Variants in KCNH7 observed in about 807,000 individuals in gnomAD.
KCNH7 encodes the protein potassium voltage-gated channel subfamily H member 7, also known as voltage-gated inwardly rectifying potassium channel KCNH7.
Under a neutral mutation model 120.8 loss-of-function variants are expected in KCNH7, and 49 were observed. The ratio of observed to expected loss-of-function variants is 0.41; its 90% CI spans 0.32 to 0.51. The LOEUF is 0.51. Among genes scored for constraint, KCNH7 ranks in the 20% least tolerant of loss-of-function variants. The probability of loss-of-function intolerance (pLI) is 0.38; values close to 1 mark genes in which losing one functional copy is unlikely to be tolerated. For missense variants in KCNH7, 1,097 were observed against 1,446.6 expected (o/e 0.76, Z 3.92); for synonymous variants, 547 against 516.1 (o/e 1.06, Z -0.81).
chr2:162,723,289 A>C lies in KCNH7; in HGVS notation c.307+113248T>G, dbSNP rs2105377318. Among the ~76,000 whole-genome samples the C allele has an allele frequency of 3.3e-5, 5 of 152,200 alleles. No individual in the cohort carries two copies. In the Middle Eastern group the frequency reaches 0.017, roughly 518 times the overall value. On this transcript the variant is annotated intron_variant, in intron 2 of 15. Transcript: ENST00000332142. ...TCTTTTACAGGAGAAAACCCCCACC[A>C]ATCAGCCCAGACAGAAACTCCACAG...
intron 2 of KCNH7, among the ~76,000 whole-genome samples, chr2:162,630,807 C>A (rs780377540): frequency 1.1e-4 from 17 of 152,026 alleles, no homozygotes; most frequent in Non-Finnish European, 2.4e-4. Flanking sequence ...TAAGGTCTCC[C>A]ATTAAGGATG....
chr2:162,821,094 G>A lies in KCNH7; in HGVS notation c.307+15443C>T, dbSNP rs189520906. On this transcript the variant is annotated intron_variant, in intron 2 of 15. Coordinates refer to ENST00000332142, the MANE Select transcript of KCNH7 (RefSeq NM_033272.4). ...AAATAGACTAACACATATAACTAAGGCCTAATGGAGAGTCCAGAAAGAAAA... is the reference window on the plus strand; with the variant it reads ...AAATAGACTAACACATATAACTAAGACCTAATGGAGAGTCCAGAAAGAAAA... Among the ~76,000 whole-genome samples, 780 of 152,078 alleles carry A rather than the reference G, an allele frequency of 5.1e-3. 4 individuals carry two copies. The highest frequency in any genetic ancestry group is 0.037 in the Middle Eastern group (11 of 294).
chr2:162,709,976 T>C (rs1334518137), intron 2 of KCNH7, among the ~76,000 whole-genome samples: 1 of 152,128 alleles, frequency 6.6e-6, no homozygotes, highest in African/African-American at 2.4e-5. Context: ...GAGTAGATAT[T>C]GAAGGGAACC....
chr2:162,761,152 T>G (rs1688954229), intron 2 of KCNH7, among the ~76,000 whole-genome samples: 1 of 152,112 alleles, frequency 6.6e-6, no homozygotes, highest in African/African-American at 2.4e-5. Flanking sequence ...TCATCTACAT[T>G]TCCCCCTACA....
intron 2 of KCNH7, among the ~76,000 whole-genome samples, chr2:162,741,134 T>G (rs1378830399): frequency 6.6e-6 from 1 of 151,900 alleles, no homozygotes; most frequent in Non-Finnish European, 1.5e-5. Context: ...AGAGGGGTAT[T>G]TAGTTTCATG....
At chr2:162,500,112 T>G (rs933877568) in intron 6 of KCNH7, among the ~76,000 whole-genome samples, 6 of 148,908 alleles carry the variant, frequency 4.0e-5, no homozygotes, top group Non-Finnish European at 8.9e-5. Context: ...GTTTATACAT[T>G]ATATATGGAT....
At chr2:162,631,416 A>C (rs560602454) in intron 2 of KCNH7, among the ~76,000 whole-genome samples, 5 of 152,074 alleles carry the variant, frequency 3.3e-5, no homozygotes, top group Non-Finnish European at 7.4e-5. Context: ...GACATGGTAA[A>C]AATTTGGAGG....
At chr2:162,744,599 G>T (rs1688249109) in intron 2 of KCNH7, among the ~76,000 whole-genome samples, 1 of 136,498 alleles carries the variant, frequency 7.3e-6, no homozygotes, top group Admixed American at 7.9e-5. Flanking sequence ...TTGATACGGA[G>T]TCTCGCTCTG....
intron 2 of KCNH7, among the ~76,000 whole-genome samples, chr2:162,635,718 A>G (rs1683930954): frequency 6.6e-6 from 1 of 152,196 alleles, no homozygotes; most frequent in Non-Finnish European, 1.5e-5. Flanking sequence ...TCTCCATTTT[A>G]TCTTGTGCAA....
At chr2:162,650,173 T>A (rs1406846603) in intron 2 of KCNH7, among the ~76,000 whole-genome samples, 1 of 152,174 alleles carries the variant, frequency 6.6e-6, no homozygotes, top group African/African-American at 2.4e-5. Context: ...TTCTGGCACA[T>A]GGTAGTAATT....
chr2:162,785,407 T>C (rs1003754594), intron 2 of KCNH7, among the ~76,000 whole-genome samples: 2 of 152,214 alleles, frequency 1.3e-5, no homozygotes. Flanking sequence ...TTTCTTTCTA[T>C]TCTATCATTA....
chr2:162,491,853 C>T (rs1472255470), intron 6 of KCNH7, among the ~76,000 whole-genome samples: 3 of 152,136 alleles, frequency 2.0e-5, no homozygotes, highest in African/African-American at 4.8e-5. Flanking sequence ...TCTCAAATGC[C>T]TCCTGAATCA....
chr2:162,653,766 G>A (rs930171866), intron 2 of KCNH7, among the ~76,000 whole-genome samples: 8 of 152,106 alleles, frequency 5.3e-5, no homozygotes, highest in Non-Finnish European at 1.0e-4. Context: ...AAGCTATAGT[G>A]ACAGAAATAG....
intron 5 of KCNH7, among the ~76,000 whole-genome samples, chr2:162,509,513 A>C (rs1363094107): frequency 6.6e-6 from 1 of 151,708 alleles, no homozygotes; most frequent in African/African-American, 2.4e-5. Context: ...GCAGTGTTTA[A>C]TAATTAAACT....
Position 162,753,416 on chromosome 2 carries a change from C to T in KCNH7, c.307+83121G>A, listed in dbSNP as rs72873597. On this transcript the variant is annotated intron_variant, in intron 2 of 15. Coordinates refer to ENST00000332142, the MANE Select transcript of KCNH7 (RefSeq NM_033272.4). ...TCACAGAAGCTTATGAGATAGATTACGAATTAGGACTTAAACCAGGCCATT... is the reference window on the plus strand; with the variant it reads ...TCACAGAAGCTTATGAGATAGATTATGAATTAGGACTTAAACCAGGCCATT... Among the ~76,000 whole-genome samples, 861 of 152,106 alleles carry T rather than the reference C, an allele frequency of 5.7e-3. 4 individuals carry two copies. Among genetic ancestry groups the T allele is most frequent in the African/African-American group, 0.01 (431 of 41,520 alleles).
At chr2:162,550,143 G>A (rs1429705299) in intron 2 of KCNH7, among the ~76,000 whole-genome samples, 1 of 152,054 alleles carries the variant, frequency 6.6e-6, no homozygotes, top group African/African-American at 2.4e-5. Flanking sequence ...GACATCGAAT[G>A]GTATTTATTT....
At chr2:162,488,958 T>C (rs887690293) in intron 6 of KCNH7, among the ~76,000 whole-genome samples, 1 of 152,360 alleles carries the variant, frequency 6.6e-6, no homozygotes, top group South Asian at 2.1e-4. Flanking sequence ...CATATAGATA[T>C]GTTATTCCTT....
At chr2:162,823,865 C>CCTT (rs1685196766) in intron 2 of KCNH7, among the ~76,000 whole-genome samples, 1 of 150,898 alleles carries the variant, frequency 6.6e-6, no homozygotes, top group South Asian at 2.1e-4. Flanking sequence ...TCTCTAATTA[C>CCTT]CTTCTGGAAA....
intron 4 of KCNH7, among the ~76,000 whole-genome samples, chr2:162,514,418 A>G (rs544998291): frequency 1.3e-5 from 2 of 151,908 alleles, no homozygotes; most frequent in East Asian, 3.9e-4. Context: ...CCTAAAAATT[A>G]TATGTAAAGA....
Sources: allele counts gnomAD v4.1 joint callset (sites outside exome capture counted in the v4.1 genomes callset), GRCh38; gene constraint gnomAD v4.1.1; transcripts MANE v1.5; gene names NCBI Gene and HGNC (gene_info 2026-07-23, HGNC 2026-07-21).